SLC35F4: variants seen among roughly 807,000 people sequenced by gnomAD.
SLC35F4 encodes solute carrier family 35 member F4, also known as chromosome 14 open reading frame 36.
Under a neutral mutation model 44.2 loss-of-function variants are expected in SLC35F4, and 24 were observed. The observed-to-expected ratio is 0.54, with a 90% confidence interval of 0.39 to 0.76. The LOEUF (loss-of-function observed/expected upper bound fraction) is 0.76, where lower values mean the gene tolerates loss of function less well. Among genes scored for constraint, SLC35F4 ranks in the 30% least tolerant of loss-of-function variants. The probability of loss-of-function intolerance (pLI) is 0.00; values close to 1 mark genes in which losing one functional copy is unlikely to be tolerated. For synonymous variants in SLC35F4, 238 were observed against 223.6 expected (o/e 1.06, Z -0.57); for missense variants, 562 against 586.1 (o/e 0.96, Z 0.42).
intron 1 of SLC35F4, among the ~76,000 whole-genome samples, chr14:57,610,996 G>A (rs2071460277): frequency 1.3e-5 from 2 of 152,222 alleles, no homozygotes; most frequent in South Asian, 2.1e-4. Context: ...GTAGTGATTG[G>A]GAATAGCAGA....
At chr14:57,685,344 G>A (rs1052497044) in intron 1 of SLC35F4, among the ~76,000 whole-genome samples, 1 of 152,122 alleles carries the variant, frequency 6.6e-6, no homozygotes, top group African/African-American at 2.4e-5. Flanking sequence ...CCATCAGATG[G>A]TAGACTCCAA....
chr14:57,800,620 T>C (rs2078168795), intron 1 of SLC35F4, among the ~76,000 whole-genome samples: 1 of 152,060 alleles, frequency 6.6e-6, no homozygotes, highest in African/African-American at 2.4e-5. Flanking sequence ...AGAATCATGA[T>C]AAAACAATAC....
chr14:57,923,434 C>A (rs539902381), intron 1 of SLC35F4, among the ~76,000 whole-genome samples: 83 of 152,304 alleles, frequency 5.4e-4, no homozygotes, highest in African/African-American at 1.9e-3. Flanking sequence ...GTCACTCAGT[C>A]CTGAAGTGTA....
chr14:57,796,169 C>T (rs1216779278), intron 1 of SLC35F4, among the ~76,000 whole-genome samples: 2 of 152,106 alleles, frequency 1.3e-5, no homozygotes, highest in African/African-American at 4.8e-5. Context: ...GGTACATATA[C>T]CTCATTTTCT....
chr14:57,661,155 TAC>T (rs2074125222), intron 1 of SLC35F4, among the ~76,000 whole-genome samples: 1 of 152,148 alleles, frequency 6.6e-6, no homozygotes, highest in African/African-American at 2.4e-5. Flanking sequence ...GACTCAAATT[TAC>T]AGAGTCAAAT....
intron 1 of SLC35F4, among the ~76,000 whole-genome samples, chr14:57,623,113 G>T (rs555628710): frequency 6.6e-6 from 1 of 152,114 alleles, no homozygotes; most frequent in Non-Finnish European, 1.5e-5. Flanking sequence ...AGAGATGGAA[G>T]AATATTTAAC....
intron 1 of SLC35F4, among the ~76,000 whole-genome samples, chr14:57,840,565 T>C (rs1205038929): frequency 1.3e-5 from 2 of 152,162 alleles, no homozygotes; most frequent in African/African-American, 2.4e-5. Flanking sequence ...GGCTTTGACA[T>C]TGATTCCCAT....
rs1185663372 is a variant in SLC35F4 at position 57,698,272 on chromosome 14, T to C, written c.104-104148A>G. ...CATTTAGATTACTTTCAGTATTTGC[T>C]ATTACAAACTCACTGTGATAAAGAT... is the stretch of plus-strand genomic sequence containing the variant. On this transcript the variant is annotated intron_variant, in intron 1 of 7. Transcript: ENST00000556826. Among the ~76,000 whole-genome samples, 3 of 152,182 alleles carry C rather than the reference T, an allele frequency of 2.0e-5. No homozygotes were observed. In the East Asian group the frequency reaches 5.8e-4, roughly 29 times the overall value.
intron 1 of SLC35F4, among the ~76,000 whole-genome samples, chr14:57,840,865 T>C (rs1885417763): frequency 6.6e-6 from 1 of 152,252 alleles, no homozygotes; most frequent in African/African-American, 2.4e-5. Flanking sequence ...TGAGTACCAC[T>C]GAAAATCTGA....
At chr14:57,748,688 T>C (rs2076815519) in intron 1 of SLC35F4, among the ~76,000 whole-genome samples, 1 of 152,162 alleles carries the variant, frequency 6.6e-6, no homozygotes, top group Admixed American at 6.5e-5. Flanking sequence ...CCTGAAGATA[T>C]CCAGAACTTT....
At chr14:57,685,884 T>C (rs1172046839) in intron 1 of SLC35F4, among the ~76,000 whole-genome samples, 2 of 152,240 alleles carry the variant, frequency 1.3e-5, no homozygotes, top group Middle Eastern at 3.2e-3. Flanking sequence ...TATCATCTGG[T>C]GTTCCTGGTC....
chr14:57,589,169 T>C (rs1467140972), intron 3 of SLC35F4, 47 bp downstream of exon 3: 1 of 1,529,730 alleles, frequency 6.5e-7, no homozygotes, highest in East Asian at 2.3e-5. Context: ...CATATTTTCA[T>C]AAAACATTTC....
chr14:57,663,290 T>C (rs981577628), intron 1 of SLC35F4, among the ~76,000 whole-genome samples: 2 of 152,210 alleles, frequency 1.3e-5, no homozygotes, highest in Non-Finnish European at 2.9e-5. Context: ...CAGTGGTCAT[T>C]TGTTATTTGC....
intron 1 of SLC35F4, among the ~76,000 whole-genome samples, chr14:57,617,566 A>G (rs1446316084): frequency 6.6e-6 from 1 of 152,218 alleles, no homozygotes; most frequent in Non-Finnish European, 1.5e-5. Context: ...GCTAGGCACT[A>G]TCTTAGGTGC....
upstream of SLC35F4, among the ~76,000 whole-genome samples, chr14:57,866,320 A>G (rs1355958089): frequency 6.6e-6 from 1 of 152,158 alleles, no homozygotes; most frequent in South Asian, 2.1e-4. Context: ...AGAGGGACTC[A>G]TAGCTGTTAA....
intron 1 of SLC35F4, among the ~76,000 whole-genome samples, chr14:57,913,747 G>T (rs1205763731): frequency 6.6e-6 from 1 of 151,810 alleles, no homozygotes; most frequent in East Asian, 1.9e-4. Flanking sequence ...CTTCTGTTTT[G>T]CCCTCATGTA....
chr14:57,899,909 G>A (rs1888964125), intron 1 of SLC35F4, among the ~76,000 whole-genome samples: 1 of 152,112 alleles, frequency 6.6e-6, no homozygotes, highest in Non-Finnish European at 1.5e-5. Flanking sequence ...AGAGCGAAAG[G>A]ACAAAGCTTC....
intron 1 of SLC35F4, among the ~76,000 whole-genome samples, chr14:57,893,510 G>T (rs1447484025): frequency 6.6e-6 from 1 of 152,146 alleles, no homozygotes; most frequent in Non-Finnish European, 1.5e-5. Flanking sequence ...CAAAGCCCAT[G>T]CTCTCTGCCA....
At chr14:57,588,381 T>C (rs1053978239) in intron 3 of SLC35F4, among the ~76,000 whole-genome samples, 2 of 151,406 alleles carry the variant, frequency 1.3e-5, no homozygotes, top group Admixed American at 6.6e-5. Context: ...TGGGTGATCA[T>C]AGCAATTTTC....
Sources: gnomAD v4.1 joint callset for allele counts (sites outside exome capture counted in the v4.1 genomes callset) on GRCh38, gnomAD v4.1.1 for gene constraint, MANE v1.5 for transcripts, NCBI Gene and HGNC (gene_info 2026-07-23, HGNC 2026-07-21) for gene names.